The following CDHR1 variants were observed in gnomAD, a reference collection of about 807,000 sequenced individuals.
CDHR1 encodes the protein cadherin related family member 1.
In CDHR1, 61 loss-of-function variants were observed where a neutral mutation model predicts 72.1. The observed-to-expected ratio is 0.85, with a 90% CI of 0.69 to 1.05. CDHR1 has a LOEUF of 1.05. Among genes scored for constraint, CDHR1 ranks in the 50% least tolerant of loss-of-function variants. The pLI, the probability that CDHR1 is intolerant of heterozygous loss-of-function variation, is 0.00. For missense variants in CDHR1, 1,186 were observed against 1,115.7 expected (o/e 1.06, Z -0.90); for synonymous variants, 470 against 448.1 (o/e 1.05, Z -0.62).
rs1842390512 is a variant in CDHR1 at position 84,214,310 on chromosome 10, A to C, written c.2269A>C (p.Lys757Gln). ...CCGCACCATCCGCATTGAGTGGCTC[A>C]AGTCCAAGAGCACCAAAGCCGCTAC... ...APRTIRIEWL[K>Q]SKSTKAATKF... The change falls in exon 17 of 17, where the codon AAG (lysine) becomes CAG (glutamine). Residue 757 changes from lysine (K) to glutamine (Q), a missense_variant. Lys to Gln is a moderately conservative substitution (Grantham distance 53). Coordinates refer to ENST00000623527, the MANE Select transcript of CDHR1 (RefSeq NM_033100.4). 14 of 1,614,080 alleles carry C rather than the reference A, an allele frequency of 8.7e-6. No homozygotes were observed. The highest frequency in any genetic ancestry group is 1.2e-5 in the Non-Finnish European group (14 of 1,180,050).
intron 4 of CDHR1, among the ~76,000 whole-genome samples, chr10:84,198,657 A>G (rs1050570774): frequency 1.3e-4 from 20 of 152,182 alleles, no homozygotes; most frequent in Non-Finnish European, 2.8e-4. Flanking sequence ...ATGCATTTAC[A>G]CAGGCCATGT....
At chr10:84,195,641 A>C (rs764769301) in intron 2 of CDHR1, 52 bp downstream of exon 2, 1 of 1,503,836 alleles carries the variant, frequency 6.6e-7, no homozygotes. Flanking sequence ...GGGTGCAGGC[A>C]GACTTAGAAC....
rs766492451 is a variant in CDHR1 at position 84,196,537 on chromosome 10, C to T, written c.184C>T (p.Pro62Ser). The T allele has an allele frequency of 6.8e-6, 11 of 1,614,062 alleles. No individual in the cohort carries two copies. Among genetic ancestry groups the T allele is most frequent in the Non-Finnish European group, 9.3e-6 (11 of 1,180,032 alleles). Residue 62 changes from proline (P) to serine (S), a missense_variant, in exon 3 of 17, where the codon CCT becomes TCT. Physicochemically the swap from Pro to Ser is moderately conservative, Grantham distance 74. Transcript: ENST00000623527. ...CGTATACACCCTGAATGGGACAGACCCTGAGGGAGACCCCATCTCCTACCA... is the reference window on the plus strand; with the variant it reads ...CGTATACACCCTGAATGGGACAGACTCTGAGGGAGACCCCATCTCCTACCA... ...SHVYTLNGTDPEGDPISYHIS... is the reference protein window; with the variant it reads ...SHVYTLNGTDSEGDPISYHIS...
intron 1 of CDHR1, among the ~76,000 whole-genome samples, chr10:84,195,275 T>C (rs990044557): frequency 2.1e-4 from 32 of 152,302 alleles, no homozygotes; most frequent in African/African-American, 7.5e-4. Context: ...ATGCTACGTG[T>C]CCCTGACAAG....
rs1842403177 is a variant in CDHR1, at chr10:84,214,881, T to G, written c.*260T>G. 7.0e-7 allele frequency: 1 copy of G among 1,427,882 alleles called. No individual in the cohort carries two copies. Among genetic ancestry groups the G allele is most frequent in the Non-Finnish European group, 9.1e-7 (1 of 1,095,846 alleles). The allele number at this position is 1,427,882 out of a possible 1,614,324, so 88.5% of individuals were successfully genotyped here. A position where few individuals can be genotyped will look rare whatever the true frequency, so the allele number is the denominator to read the frequency against. On this transcript the variant is annotated 3_prime_UTR_variant, in exon 17 of 17. Coordinates refer to ENST00000623527, the MANE Select transcript of CDHR1 (RefSeq NM_033100.4). The stretch of plus-strand genomic sequence containing the variant: ...AAATACGTCCCCGTTACTCAAATCC[T>G]TGGCACTACTACAATGCCCTCCATT...
At chr10:84,197,368 A>G (rs1028364320) in intron 3 of CDHR1, among the ~76,000 whole-genome samples, 7 of 152,152 alleles carry the variant, frequency 4.6e-5, no homozygotes, top group Non-Finnish European at 1.0e-4. Flanking sequence ...GCACTGAGAC[A>G]CCATGGATGT....
rs140097244 is a variant in CDHR1 at position 84,212,214 on chromosome 10, C to G, written c.1589C>G (p.Thr530Ser). 320 of 1,614,128 alleles carry G rather than the reference C, an allele frequency of 2.0e-4. No individual in the cohort carries two copies. Among genetic ancestry groups the G allele is most frequent in the Non-Finnish European group, 2.5e-4 (298 of 1,180,056 alleles). ...CACCCATCCACTGGGCTTATCTACACCCAGCCCTGGGCTAGCCTGGACGCT... is the reference window on the plus strand; with the variant it reads ...CACCCATCCACTGGGCTTATCTACAGCCAGCCCTGGGCTAGCCTGGACGCT... The part of the protein sequence containing the change: ...LIHPSTGLIY[T>S]QPWASLDAEA... Residue 530 changes from threonine to serine, a missense_variant, in exon 15 of 17, where the codon ACC (threonine) becomes AGC (serine). Physicochemically the swap from Thr to Ser is moderately conservative, Grantham distance 58. Coordinates refer to ENST00000623527, the MANE Select transcript of CDHR1 (RefSeq NM_033100.4).
Position 84,218,619 on chromosome 10 carries a change from T to G in CDHR1, c.*3998T>G, listed in dbSNP as rs1842462970. On this transcript the variant is annotated 3_prime_UTR_variant, in exon 17 of 17. Transcript: ENST00000623527. ...AGTAGCCCTGCTTACAAATGTCTCC[T>G]CAATCAAAGGCATTTGCCTTAAACT... 9 of 985,672 alleles carry G rather than the reference T, an allele frequency of 9.1e-6. No homozygotes were observed. Among genetic ancestry groups the G allele is most frequent in the Non-Finnish European group, 9.6e-6 (8 of 830,096 alleles). 61.1% of individuals were successfully genotyped at this position (985,672 alleles called of 1,614,324 possible).
At chr10:84,205,654 C>T (rs1842211266) in intron 9 of CDHR1, 173 bp from the exon 10 acceptor site, 1 of 671,908 alleles carries the variant, frequency 1.5e-6, no homozygotes. Context: ...ACTGTGTAGC[C>T]TTAGACAAGT....
At position 84,215,081 on chromosome 10, in the gene CDHR1, A is replaced by G; in HGVS notation, c.*460A>G. On this transcript the variant is annotated 3_prime_UTR_variant, in exon 17 of 17. Transcript: ENST00000623527. ...CCTGCAGCTGAGAGCAGGAGCAGGA[A>G]AAGGAGGCTCAGCACTGTCTCAGGC... is the stretch of plus-strand genomic sequence containing the variant. The G allele has an allele frequency of 9.4e-7, 1 of 1,061,016 alleles. No homozygotes were observed. Among genetic ancestry groups the G allele is most frequent in the Non-Finnish European group, 1.1e-6 (1 of 875,224 alleles). The allele number at this position is 1,061,016 out of a possible 1,614,324, so 65.7% of individuals were successfully genotyped here.
At position 84,216,141 on chromosome 10, in the gene CDHR1, G is replaced by A; in HGVS notation, c.*1520G>A. 1.0e-6 allele frequency: 1 copy of A among 985,488 alleles called. No homozygotes were observed. Among genetic ancestry groups the A allele is most frequent in the Non-Finnish European group, 1.2e-6 (1 of 829,952 alleles). 61.0% of individuals were successfully genotyped at this position (985,488 alleles called of 1,614,324 possible). ...CAGGAAATCTACATGTGTGCACAGAGAGAGAAAAGTAGAACAGTTCTTTGC... is the reference window on the plus strand; with the variant it reads ...CAGGAAATCTACATGTGTGCACAGAAAGAGAAAAGTAGAACAGTTCTTTGC... On this transcript the variant is annotated 3_prime_UTR_variant, in exon 17 of 17. Coordinates refer to ENST00000623527, the MANE Select transcript of CDHR1 (RefSeq NM_033100.4).
rs745932099 is a variant in CDHR1, at chr10:84,201,919, AG to A, written c.639+1del. 11 of 1,601,372 alleles carry A rather than the reference AG, an allele frequency of 6.9e-6. No homozygotes were observed. The highest frequency in any genetic ancestry group is 9.3e-6 in the Non-Finnish European group (11 of 1,177,638). On this transcript the variant is annotated frameshift_variant and splice_region_variant, in exon 7 of 17. Coordinates refer to ENST00000623527, the MANE Select transcript of CDHR1 (RefSeq NM_033100.4). LOFTEE classifies it high-confidence loss of function. ...SRTHYITVVAKDGGGRLHGAD... is the reference protein window; with the variant it reads ...SRTHYITVVAXDGGGRLHGAD... ...ACCCACTACATCACCGTGGTCGCCA[AG>A]GTAACACAGCAGGACAGGGGAGCAT...
At position 84,197,807 on chromosome 10, in the gene CDHR1, A is replaced by G; in HGVS notation, c.319A>G (p.Ile107Val). 4 of 1,614,084 alleles carry G rather than the reference A, an allele frequency of 2.5e-6. No individual in the cohort carries two copies. The highest frequency in any genetic ancestry group is 3.4e-6 in the Non-Finnish European group (4 of 1,179,990). ...ACAGAGGGAAGATGAGATTGAAGCC[A>G]TCATCAGCATTTCTGATGGCCTGAA... ...DREREDEIEA[I>V]ISISDGLNLV... Residue 107 changes from isoleucine (I) to valine (V), a missense_variant, in exon 4 of 17, where the codon ATC becomes GTC. Coordinates refer to ENST00000623527, the MANE Select transcript of CDHR1 (RefSeq NM_033100.4).
At chr10:84,206,274 A>T (rs1422966888) in intron 10 of CDHR1, among the ~76,000 whole-genome samples, 1 of 152,168 alleles carries the variant, frequency 6.6e-6, no homozygotes, top group Non-Finnish European at 1.5e-5. Flanking sequence ...GGGAACAACA[A>T]GGAGTCAGTT....
chr10:84,208,943 C>T, intron 12 of CDHR1, 62 bp downstream of exon 12: 1 of 1,551,656 alleles, frequency 6.4e-7, no homozygotes, highest in Non-Finnish European at 8.8e-7. Context: ...ATACCAGCAT[C>T]TTGGTTCATT....
In CDHR1 at chr10:84,216,974, G is replaced by T. The variant is rs1186941183; in HGVS notation, c.*2353G>T. 1 of 985,472 alleles carries T rather than the reference G, an allele frequency of 1.0e-6. No homozygotes were observed. The highest frequency in any genetic ancestry group is 1.2e-6 in the Non-Finnish European group (1 of 829,958). 61.0% of individuals were successfully genotyped at this position (985,472 alleles called of 1,614,324 possible). A position where few individuals can be genotyped will look rare whatever the true frequency, so the allele number is the denominator to read the frequency against. On this transcript the variant is annotated 3_prime_UTR_variant, in exon 17 of 17. Transcript: ENST00000623527. ...GGCTTGCAAGTGGATCCGGGACCGA[G>T]GGTGGTCTCTTGGACAACCCCAGGA...
rs1232672493 is a variant in CDHR1 at position 84,196,630 on chromosome 10, G to C, written c.277G>C (p.Val93Leu). ...VDPTFGNITL[V>L]EELDREREDE... ...CCCCACTTTTGGAAACATCACCCTG[G>C]TTGAAGAGCTGGACAGAGAGGTATG... The change falls in exon 3 of 17, where the codon GTT becomes CTT. Residue 93 changes from valine to leucine, a missense_variant. Coordinates refer to ENST00000623527, the MANE Select transcript of CDHR1 (RefSeq NM_033100.4). 1.2e-6 allele frequency: 2 copies of C among 1,614,192 alleles called. No homozygotes were observed. The highest frequency in any genetic ancestry group is 1.1e-5 in the South Asian group (1 of 91,078).
intron 7 of CDHR1, among the ~76,000 whole-genome samples, chr10:84,202,416 G>C (rs1409947734): frequency 6.6e-6 from 1 of 152,196 alleles, no homozygotes; most frequent in African/African-American, 2.4e-5. Flanking sequence ...CCCCCACAAA[G>C]AGCGCAAAAC....
intron 10 of CDHR1, among the ~76,000 whole-genome samples, chr10:84,207,279 A>G (rs1842242859): frequency 6.6e-6 from 1 of 152,084 alleles, no homozygotes; most frequent in African/African-American, 2.4e-5. Context: ...GGGGCAGGTA[A>G]AGGAAACCCA....
Sources: gnomAD v4.1 joint callset for allele counts (sites outside exome capture counted in the v4.1 genomes callset) on GRCh38, gnomAD v4.1.1 for gene constraint, MANE v1.5 for transcripts, NCBI Gene and HGNC (gene_info 2026-07-23, HGNC 2026-07-21) for gene names.